CHFR: variants seen among roughly 807,000 people sequenced by gnomAD.
CHFR encodes the protein checkpoint with forkhead and ring finger domains.
Under a neutral mutation model 87.6 loss-of-function variants are expected in CHFR, and 57 were observed. That is an observed-to-expected ratio of 0.65 (90% CI 0.53 to 0.81). The LOEUF is 0.81. CHFR is among the 30% of genes least tolerant of loss of function. The pLI is 0.00. For synonymous variants in CHFR, 381 were observed against 359.2 expected, an observed-to-expected ratio of 1.06 and a Z score of -0.69; for missense variants, 797 against 865.8, an observed-to-expected ratio of 0.92 and a Z score of 1.00.
chr12:132,840,988 GTAAATTA>G lies in CHFR; in HGVS notation c.*559_*565del, dbSNP rs1401013436. ...TACTATACCCAATTTTAGTCAATTTGTAAATTATAAATTATATTATTTGTGCTACAGT... is the reference window on the plus strand; with the variant it reads ...TACTATACCCAATTTTAGTCAATTTGTAAATTATATTATTTGTGCTACAGT... On this transcript the variant is annotated 3_prime_UTR_variant, in exon 18 of 18. Coordinates refer to ENST00000450056, the MANE Select transcript of CHFR (RefSeq NM_001161346.2). The G allele has an allele frequency of 6.6e-6, 1 of 152,606 alleles. No individual in the cohort carries two copies. The highest frequency in any genetic ancestry group is 2.4e-5 in the African/African-American group (1 of 41,416). 9.5% of individuals were successfully genotyped at this position (152,606 alleles called of 1,614,324 possible). A position where few individuals can be genotyped will look rare whatever the true frequency, so the allele number is the denominator to read the frequency against.
intron 12 of CHFR, chr12:132,848,930 G>T (rs1057113532): frequency 5.7e-6 from 3 of 525,696 alleles, no homozygotes; most frequent in Non-Finnish European, 6.7e-6. Flanking sequence ...CCTGAAAAAA[G>T]GCGAGGCTCA....
intron 6 of CHFR, chr12:132,866,610 GAAAGTTACAACACAC>G (rs1951347195): frequency 8.5e-6 from 1 of 117,034 alleles, no homozygotes; most frequent in Non-Finnish European, 1.9e-5. Context: ...CAACACACCA[GAAAGTTACAACACAC>G]CGCGTAACAC....
At chr12:132,843,820 G>T (rs1218549920) in intron 16 of CHFR, among the ~76,000 whole-genome samples, 2 of 151,960 alleles carry the variant, frequency 1.3e-5, no homozygotes, top group African/African-American at 4.8e-5. Context: ...GTGGTGGCGG[G>T]TGCCTGTAAT....
intron 2 of CHFR, chr12:132,883,044 A>G (rs758859251): frequency 6.6e-6 from 1 of 152,096 alleles, no homozygotes; most frequent in Admixed American, 6.6e-5. Flanking sequence ...GCTTTGTGCT[A>G]AAGTTCTATT....
At position 132,846,883 on chromosome 12, in the gene CHFR, AAAAC is replaced by A. The variant is rs199740623; in HGVS notation, c.1735+156_1735+159del. On this transcript the variant is annotated intron_variant, in intron 15 of 17. Transcript: ENST00000450056. ...CAACAAGAGCGAGACTCCATCTCAA[AAAAC>A]AAACAAACAAACAAAAACAACCTGA... Among the ~76,000 whole-genome samples, 40 of 152,220 alleles carry A rather than the reference AAAAC, an allele frequency of 2.6e-4. 1 individual carries two copies. In the East Asian group the frequency reaches 5.6e-3, roughly 21 times the overall value.
At chr12:132,870,459 A>C (rs1951461744) in intron 5 of CHFR, among the ~76,000 whole-genome samples, 1 of 151,008 alleles carries the variant, frequency 6.6e-6, no homozygotes, top group South Asian at 2.1e-4. Flanking sequence ...CGAACCCGGC[A>C]GGAGGAGGCT....
At chr12:132,883,785 C>T (rs1951822277) in intron 2 of CHFR, among the ~76,000 whole-genome samples, 1 of 152,110 alleles carries the variant, frequency 6.6e-6, no homozygotes, top group African/African-American at 2.4e-5. Context: ...CCAAATAATG[C>T]CTTATAAATG....
At chr12:132,848,806 C>T (rs953734709) in intron 12 of CHFR, 82 bp from the exon 13 acceptor site, 2 of 1,044,212 alleles carry the variant, frequency 1.9e-6, no homozygotes, top group Non-Finnish European at 2.9e-6. Flanking sequence ...GGCTCAGGAG[C>T]TCAACTCTTT....
At chr12:132,869,383 C>T (rs984962959) in intron 6 of CHFR, among the ~76,000 whole-genome samples, 5 of 152,058 alleles carry the variant, frequency 3.3e-5, no homozygotes, top group Admixed American at 6.5e-5. Flanking sequence ...TTATGGTATG[C>T]GAATTATAGT....
At position 132,859,228 on chromosome 12, in the gene CHFR, C is replaced by G. The variant is rs200438195; in HGVS notation, c.752-1G>C. The G allele has an allele frequency of 1.9e-6, 3 of 1,611,768 alleles. No homozygotes were observed. The highest frequency in any genetic ancestry group is 2.5e-6 in the Non-Finnish European group (3 of 1,178,784). ...TGCCCGTTCAGGTCAAGGTCCCCAT[C>G]TACAGGAGAAAGGGATGTGTTCTGT... On this transcript the variant is annotated splice_acceptor_variant, in intron 7 of 17. Transcript: ENST00000450056. LOFTEE classifies it high-confidence loss of function.
intron 7 of CHFR, 92 bp from the exon 8 acceptor site, chr12:132,859,319 G>T: frequency 1.6e-6 from 2 of 1,222,258 alleles, no homozygotes; most frequent in Non-Finnish European, 2.3e-6. Flanking sequence ...AAAGGGATGT[G>T]TTCTAACTGT....
At chr12:132,884,581 C>T (rs753235293) in intron 2 of CHFR, among the ~76,000 whole-genome samples, 24 of 152,082 alleles carry the variant, frequency 1.6e-4, no homozygotes, top group Non-Finnish European at 3.5e-4. Context: ...GGCCTGTGAG[C>T]TGATAAATGT....
rs1423989493 is a variant in CHFR, at chr12:132,836,756, C to T, written c.*4798G>A. The T allele has an allele frequency of 2.2e-6, 1 of 456,092 alleles. No homozygotes were observed. The highest frequency in any genetic ancestry group is 4.4e-6 in the Non-Finnish European group (1 of 226,792). 28.3% of individuals were successfully genotyped at this position (456,092 alleles called of 1,614,324 possible). A position where few individuals can be genotyped will look rare whatever the true frequency, so the allele number is the denominator to read the frequency against. On this transcript the variant is annotated 3_prime_UTR_variant, in exon 18 of 18. Transcript: ENST00000450056. ...AAAGTGAGCGACAGAGGAAGGGGCG[C>T]CTGTTTGTGCCGCGGGAAAGATTTC...
At chr12:132,870,999 G>A (rs1197597810) in intron 4 of CHFR, among the ~76,000 whole-genome samples, 1 of 152,194 alleles carries the variant, frequency 6.6e-6, no homozygotes, top group Non-Finnish European at 1.5e-5. Flanking sequence ...GGCATCAGGA[G>A]GCAGAAGAAG....
chr12:132,887,288 T>C lies in CHFR; in HGVS notation c.41A>G (p.Gln14Arg). ...CAGACGCAGGAGCCGTCCCCAGGGC[T>C]GCGGCGGCGGCGACTGCTTGCCTTC... ...PEEGKQSPPP[Q>R]PWGRLLRLGA... Residue 14 changes from glutamine (Q) to arginine (R), a missense_variant, in exon 2 of 18, where the codon CAG becomes CGG. By Grantham distance (43) the Gln-to-Arg change is conservative. Around this residue, in one of 2 missense-constraint regions of CHFR, gnomAD observed 597 missense variants for 601.2 expected, o/e 0.99. Transcript: ENST00000450056. The C allele has an allele frequency of 6.7e-7, 1 of 1,486,700 alleles. No homozygotes were observed. Among genetic ancestry groups the C allele is most frequent in the East Asian group, 2.9e-5 (1 of 34,308 alleles). 92.1% of individuals were successfully genotyped at this position (1,486,700 alleles called of 1,614,324 possible). A position where few individuals can be genotyped will look rare whatever the true frequency, so the allele number is the denominator to read the frequency against.
intron 13 of CHFR, chr12:132,848,394 C>T (rs1950871381): frequency 9.2e-6 from 7 of 760,810 alleles, no homozygotes; most frequent in Middle Eastern, 3.4e-4. Context: ...ATCGTAACAG[C>T]AGAACCCCGC....
chr12:132,872,703 A>T (rs1291143719), intron 3 of CHFR, among the ~76,000 whole-genome samples: 1 of 152,122 alleles, frequency 6.6e-6, no homozygotes, highest in African/African-American at 2.4e-5. Context: ...CCTCGTCTAC[A>T]GTGTGGTGCT....
chr12:132,834,417 G>C lies in CHFR; in HGVS notation c.*7137C>G, dbSNP rs1278130456. The C allele has an allele frequency of 5.3e-5, 8 of 152,336 alleles. No homozygotes were observed. In the East Asian group the frequency reaches 1.2e-3, roughly 22 times the overall value. The allele number at this position is 152,336 out of a possible 1,614,324, so 9.4% of individuals were successfully genotyped here. ...CCTTCCTGAAAACAAAAACCAAACGGGATGAGTGTGTGGGGGGTAGTGAGC... is the reference window on the plus strand; with the variant it reads ...CCTTCCTGAAAACAAAAACCAAACGCGATGAGTGTGTGGGGGGTAGTGAGC... On this transcript the variant is annotated 3_prime_UTR_variant, in exon 18 of 18. Coordinates refer to ENST00000450056, the MANE Select transcript of CHFR (RefSeq NM_001161346.2).
Position 132,873,087 on chromosome 12 carries a change from C to G in CHFR, c.234-693G>C, listed in dbSNP as rs1951528155. ...GACCAAGATCCAAGAGCACAGCATA[C>G]CCGACACACAAAACGGCAACCGGGC... On this transcript the variant is annotated intron_variant, in intron 3 of 17. Transcript: ENST00000450056. 2.0e-5 allele frequency among the ~76,000 whole-genome samples: 3 copies of G among 152,180 alleles called. No individual in the cohort carries two copies. In the South Asian group the frequency reaches 6.2e-4, roughly 31 times the overall value.
Sources: allele counts gnomAD v4.1 joint callset (sites outside exome capture counted in the v4.1 genomes callset), GRCh38; gene constraint gnomAD v4.1.1; regional missense constraint gnomAD v4.1.1; transcripts MANE v1.5; gene names NCBI Gene and HGNC (gene_info 2026-07-23, HGNC 2026-07-21).